Variants in FER observed in about 807,000 individuals in gnomAD.
FER encodes the protein FER tyrosine kinase, also known as tyrosine-protein kinase Fer.
Under a neutral mutation model 111.0 loss-of-function variants are expected in FER, and 63 were observed. That is an observed-to-expected ratio of 0.57 (90% CI 0.46 to 0.70). The LOEUF is 0.70. Ranked by LOEUF, FER falls within the 30% of genes least tolerant of loss-of-function variation. FER has a pLI of 0.00. For missense variants in FER, 914 were observed against 954.0 expected (o/e 0.96, Z 0.55); for synonymous variants, 327 against 313.9 (o/e 1.04, Z -0.44).
intron 16 of FER, among the ~76,000 whole-genome samples, chr5:109,067,765 G>A (rs934898541): frequency 6.6e-6 from 1 of 151,756 alleles, no homozygotes; most frequent in Admixed American, 6.6e-5. Context: ...AAATAGATAT[G>A]GTATAGGAAA....
At chr5:109,062,770 G>T (rs923941745) in intron 16 of FER, among the ~76,000 whole-genome samples, 5 of 152,068 alleles carry the variant, frequency 3.3e-5, no homozygotes, top group African/African-American at 9.7e-5. Context: ...TTTCCCTAGG[G>T]ATTAGTAACT....
chr5:108,754,433 G>A (rs112668446), intron 1 of FER, among the ~76,000 whole-genome samples: 10,114 of 146,206 alleles, frequency 0.069, 433 homozygotes, highest in South Asian at 0.089. Context: ...AAAAAAAATA[G>A]TGTGTAAGTA....
At chr5:108,946,364 A>T in intron 11 of FER, 142 bp downstream of exon 11, 1 of 519,692 alleles carries the variant, frequency 1.9e-6, no homozygotes, top group Non-Finnish European at 3.3e-6. Flanking sequence ...AAATGGAAAG[A>T]TAAGTGCATA....
chr5:108,983,010 A>G (rs1762171918), intron 13 of FER, among the ~76,000 whole-genome samples: 1 of 152,042 alleles, frequency 6.6e-6, no homozygotes, highest in Admixed American at 6.6e-5. Flanking sequence ...ATACCACTAC[A>G]CAGTAAACCC....
intron 1 of FER, among the ~76,000 whole-genome samples, chr5:108,755,425 T>A (rs949632757): frequency 1.3e-5 from 2 of 152,186 alleles, no homozygotes; most frequent in South Asian, 4.1e-4. Flanking sequence ...GGGGCTCCCT[T>A]GTTAATTTCA....
intron 15 of FER, among the ~76,000 whole-genome samples, chr5:109,046,377 G>A (rs1368274340): frequency 6.6e-6 from 1 of 152,096 alleles, no homozygotes; most frequent in Non-Finnish European, 1.5e-5. Context: ...TACCCTAGCA[G>A]CTTACAATTT....
At chr5:109,135,853 CA>C (rs1228996413) in intron 17 of FER, among the ~76,000 whole-genome samples, 2 of 152,040 alleles carry the variant, frequency 1.3e-5, no homozygotes, top group South Asian at 2.1e-4. Flanking sequence ...AACCAGCGCT[CA>C]AAAACAGAAA....
chr5:108,973,225 T>C (rs1057236436), intron 13 of FER, among the ~76,000 whole-genome samples: 7 of 152,178 alleles, frequency 4.6e-5, no homozygotes, highest in Non-Finnish European at 8.8e-5. Context: ...AAACACCATT[T>C]ATCTTTATCA....
intron 17 of FER, among the ~76,000 whole-genome samples, chr5:109,167,065 A>C (rs1756628636): frequency 6.6e-6 from 1 of 152,116 alleles, no homozygotes; most frequent in Non-Finnish European, 1.5e-5. Context: ...TCAATATTGC[A>C]ATTTATGGGT....
At chr5:108,790,853 T>A (rs1755287119) in intron 2 of FER, among the ~76,000 whole-genome samples, 1 of 152,220 alleles carries the variant, frequency 6.6e-6, no homozygotes, top group African/African-American at 2.4e-5. Context: ...GTAATCTAGT[T>A]TATAGATTTG....
chr5:109,027,643 A>C (rs1203776008), intron 13 of FER, among the ~76,000 whole-genome samples: 2 of 152,152 alleles, frequency 1.3e-5, no homozygotes, highest in African/African-American at 4.8e-5. Flanking sequence ...AACCATCCAA[A>C]GAGATTTGGC....
intron 4 of FER, among the ~76,000 whole-genome samples, chr5:108,835,184 A>T (rs10069113): frequency 3.5e-5 from 1 of 28,882 alleles, no homozygotes; most frequent in Non-Finnish European, 6.0e-5. Context: ...CGTTTGCGCC[A>T]CCCCCCCCCC....
intron 2 of FER, among the ~76,000 whole-genome samples, chr5:108,779,436 C>G (rs1753817269): frequency 6.6e-6 from 1 of 152,070 alleles, no homozygotes; most frequent in Non-Finnish European, 1.5e-5. Context: ...TGGAATATCT[C>G]TTCATTTATT....
Position 109,047,152 on chromosome 5 carries a change from T to C in FER, c.1878T>C (p.Val626=), listed in dbSNP as rs772258303. 1.1e-5 allele frequency: 18 copies of C among 1,609,784 alleles called. No individual in the cohort carries two copies. Among genetic ancestry groups the C allele is most frequent in the Non-Finnish European group, 1.4e-5 (17 of 1,177,896 alleles). Reference sequence around the variant, plus strand: ...CCAATATTGTCAAACTTATAGGAGTTTGCACACAAAGACAGCCTGTCTACA... The same window carrying C: ...CCAATATTGTCAAACTTATAGGAGTCTGCACACAAAGACAGCCTGTCTACA... ...DHPNIVKLIG[V]CTQRQPVYII... is the part of the protein sequence containing the mutation. Residue 626 remains valine (V), a synonymous_variant, in exon 16 of 20, where the codon GTT becomes GTC. Transcript: ENST00000281092.
In FER at chr5:108,794,528, C is replaced by A. The variant is rs895815902; in HGVS notation, c.-59-3596C>A. On this transcript the variant is annotated intron_variant, in intron 2 of 19. Coordinates refer to ENST00000281092, the MANE Select transcript of FER (RefSeq NM_005246.4). ...GTCACTGTGCTTGCCCCCTCCGCAC[C>A]CCCCCCCCTCCCCGCACCTTAACAT... 1.7e-4 allele frequency among the ~76,000 whole-genome samples: 12 copies of A among 68,842 alleles called. 1 individual carries two copies. The highest frequency in any genetic ancestry group is 2.7e-4 in the Admixed American group (2 of 7,298). 45.2% of individuals were successfully genotyped at this position (68,842 alleles called of 152,430 possible).
chr5:108,844,146 G>A (rs1219387106), intron 5 of FER, among the ~76,000 whole-genome samples: 1 of 150,022 alleles, frequency 6.7e-6, no homozygotes, highest in African/African-American at 2.4e-5. Flanking sequence ...ACATATATGT[G>A]TGTGTGAACA....
At chr5:108,786,856 T>A (rs1353295275) in intron 2 of FER, among the ~76,000 whole-genome samples, 1 of 152,218 alleles carries the variant, frequency 6.6e-6, no homozygotes, top group Non-Finnish European at 1.5e-5. Context: ...TAGGAGCTTT[T>A]GAAGTACTGC....
At chr5:108,818,944 A>C (rs115371357) in intron 3 of FER, among the ~76,000 whole-genome samples, 2,702 of 152,314 alleles carry the variant, frequency 0.018, 33 homozygotes, top group Middle Eastern at 0.054. Flanking sequence ...TTAAGTACTA[A>C]ATAGAAATTA....
intron 3 of FER, among the ~76,000 whole-genome samples, chr5:108,821,139 T>G (rs563695813): frequency 5.4e-4 from 82 of 152,290 alleles, no homozygotes; most frequent in African/African-American, 1.5e-3. Flanking sequence ...CTTAAAAGTT[T>G]CAACCTTTCT....
Sources: gnomAD v4.1 joint callset for allele counts (sites outside exome capture counted in the v4.1 genomes callset) on GRCh38, gnomAD v4.1.1 for gene constraint, MANE v1.5 for transcripts, NCBI Gene and HGNC (gene_info 2026-07-23, HGNC 2026-07-21) for gene names.